Variants in MAPT observed in about 807,000 individuals in gnomAD.
MAPT encodes the protein microtubule associated protein tau.
Under a neutral mutation model 67.9 loss-of-function variants are expected in MAPT, and 34 were observed. The observed-to-expected ratio is 0.50, with a 90% CI of 0.38 to 0.67. The LOEUF (loss-of-function observed/expected upper bound fraction) is 0.67, where lower values mean the gene tolerates loss of function less well. Ranked by LOEUF, MAPT falls within the 30% of genes least tolerant of loss-of-function variation. The pLI, the probability that MAPT is intolerant of heterozygous loss-of-function variation, is 0.00. For missense variants in MAPT, 881 were observed against 1,115.2 expected, an observed-to-expected ratio of 0.79 and a Z score of 2.99; for synonymous variants, 456 against 464.5, an observed-to-expected ratio of 0.98 and a Z score of 0.23.
intron 1 of MAPT, among the ~76,000 whole-genome samples, chr17:45,948,871 G>A (rs534235868): frequency 1.3e-5 from 2 of 152,310 alleles, no homozygotes; most frequent in South Asian, 2.1e-4. Flanking sequence ...AGGAAAGACA[G>A]GGTGCAGAAG....
At chr17:45,918,946 C>T (rs2065435887) in intron 1 of MAPT, among the ~76,000 whole-genome samples, 1 of 151,812 alleles carries the variant, frequency 6.6e-6, no homozygotes, top group South Asian at 2.1e-4. Flanking sequence ...CCTGGAATCC[C>T]AGCTACTCAG....
At chr17:46,022,218 G>A (rs1294559139) in intron 12 of MAPT, among the ~76,000 whole-genome samples, 1 of 152,026 alleles carries the variant, frequency 6.6e-6, no homozygotes, top group Non-Finnish European at 1.5e-5. Flanking sequence ...AGCTGGGTGT[G>A]GTGGCACACA....
intron 10 of MAPT, among the ~76,000 whole-genome samples, chr17:46,013,789 A>T (rs1406589478): frequency 6.6e-6 from 1 of 152,296 alleles, no homozygotes; most frequent in Non-Finnish European, 1.5e-5. Flanking sequence ...CTGCCTTTCC[A>T]GCAAGATTTT....
chr17:45,905,781 A>G (rs1164151239), intron 1 of MAPT, among the ~76,000 whole-genome samples: 1 of 152,188 alleles, frequency 6.6e-6, no homozygotes, highest in Admixed American at 6.5e-5. Context: ...CTCAGAATGG[A>G]TGATAATGTG....
intron 1 of MAPT, among the ~76,000 whole-genome samples, chr17:45,937,616 G>T (rs62061724): frequency 0.14 from 21,238 of 148,408 alleles, 2,073 homozygotes; most frequent in Non-Finnish European, 0.22. Flanking sequence ...AAAAAGAAAG[G>T]AGAGAGAGAG....
intron 1 of MAPT, among the ~76,000 whole-genome samples, chr17:45,900,412 T>A (rs953058605): frequency 2.0e-5 from 3 of 152,122 alleles, no homozygotes; most frequent in Non-Finnish European, 4.4e-5. Flanking sequence ...GGTTCTCCAG[T>A]TAGGAAACTT....
At chr17:46,008,685 G>GA (rs1037769403) in intron 9 of MAPT, among the ~76,000 whole-genome samples, 6 of 151,748 alleles carry the variant, frequency 4.0e-5, no homozygotes, top group African/African-American at 7.2e-5. Flanking sequence ...AAATTAAGGG[G>GA]AAAAAAAACG....
chr17:46,008,183 A>G (rs1247322670), intron 9 of MAPT, among the ~76,000 whole-genome samples: 5 of 152,174 alleles, frequency 3.3e-5, no homozygotes, highest in African/African-American at 1.2e-4. Context: ...TGCAACCTCC[A>G]TCTCCCGGGT....
rs1451687051 is a variant in MAPT, at chr17:45,983,035, T to TCAGCACCGTCCCGTTTGCC, written c.461_479dup (p.Pro162SerfsTer47). On this transcript the variant is annotated frameshift_variant, in exon 5 of 13. Coordinates refer to ENST00000262410, the MANE Select transcript of MAPT (RefSeq NM_001377265.1). LOFTEE classifies it high-confidence loss of function. ...CCGTCCCGCTGACCGCGAGCCTTCCTCAGCACCGTCCCGTTTGCCCAGCGC... is the reference window on the plus strand; with the variant it reads ...CCGTCCCGCTGACCGCGAGCCTTCCTCAGCACCGTCCCGTTTGCCCAGCACCGTCCCGTTTGCCCAGCGC... The TCAGCACCGTCCCGTTTGCC allele has an allele frequency of 1.3e-5, 20 of 1,503,398 alleles. No homozygotes were observed. Among genetic ancestry groups the TCAGCACCGTCCCGTTTGCC allele is most frequent in the Non-Finnish European group, 1.8e-5 (20 of 1,122,954 alleles). 93.1% of individuals were successfully genotyped at this position (1,503,398 alleles called of 1,614,324 possible).
intron 8 of MAPT, chr17:45,993,798 CCCTCGA>C: frequency 1.1e-6 from 1 of 890,598 alleles, no homozygotes; most frequent in Non-Finnish European, 1.8e-6. Flanking sequence ...CCCCTTGGGC[CCCTCGA>C]CCTTGTTTCA....
At position 45,995,575 on chromosome 17, in the gene MAPT, G is replaced by A. The variant is rs2074404789; in HGVS notation, c.1733-824G>A. Among the ~76,000 whole-genome samples the A allele has an allele frequency of 6.6e-6, 1 of 152,184 alleles. No homozygotes were observed. Among genetic ancestry groups the A allele is most frequent in the South Asian group, 2.1e-4 (1 of 4,830 alleles). ...AACAGAAGCAAGTTTGAGGGTAAAG[G>A]ACACCCAGAGGAGGGAGGGACAGCA... On this transcript the variant is annotated intron_variant, in intron 8 of 12. Coordinates refer to ENST00000262410, the MANE Select transcript of MAPT (RefSeq NM_001377265.1). The surrounding 1 kb of genome is among the most constrained non-coding windows in gnomAD (Gnocchi z 4.3).
At chr17:45,979,944 T>C (rs930253673) in intron 4 of MAPT, 1 of 152,182 alleles carries the variant, frequency 6.6e-6, no homozygotes. Flanking sequence ...ATAAAGTACC[T>C]ATTAGTAAGA....
rs1262953560 is a variant in MAPT at position 45,995,205 on chromosome 17, G to A, written c.1733-1194G>A. On this transcript the variant is annotated intron_variant, in intron 8 of 12. Transcript: ENST00000262410. The surrounding 1 kb of genome is among the most constrained non-coding windows in gnomAD (Gnocchi z 4.3). ...TGTTACAGCAAATGCCTGGGGCAGC[G>A]GCAGGGGCATTGCTGCGGGAAGCTT... 4.6e-5 allele frequency among the ~76,000 whole-genome samples: 7 copies of A among 152,228 alleles called. No homozygotes were observed. Among genetic ancestry groups the A allele is most frequent in the South Asian group, 2.1e-4 (1 of 4,830 alleles).
At chr17:45,926,712 G>T (rs1219637086) in intron 1 of MAPT, among the ~76,000 whole-genome samples, 4 of 152,058 alleles carry the variant, frequency 2.6e-5, no homozygotes, top group African/African-American at 9.7e-5. Flanking sequence ...GATGGTTCTG[G>T]AGGGAATGGA....
intron 1 of MAPT, among the ~76,000 whole-genome samples, chr17:45,947,596 C>G (rs1598097199): frequency 6.6e-6 from 1 of 151,996 alleles, no homozygotes; most frequent in Non-Finnish European, 1.5e-5. Flanking sequence ...CCATGTTGGT[C>G]AGGCTGGTCT....
chr17:45,998,566 G>A (rs940212860), intron 9 of MAPT, among the ~76,000 whole-genome samples: 3 of 152,172 alleles, frequency 2.0e-5, no homozygotes, highest in Non-Finnish European at 2.9e-5. Context: ...GATGGCAAAC[G>A]ATCCGGGTTA....
At chr17:45,992,289 C>CCAGG (rs1568296757) in intron 8 of MAPT, among the ~76,000 whole-genome samples, 1 of 152,194 alleles carries the variant, frequency 6.6e-6, no homozygotes, top group Non-Finnish European at 1.5e-5. Flanking sequence ...GGCCCCAAGT[C>CCAGG]CAGGGTTCCA....
rs58711437 is a variant in MAPT at position 45,919,615 on chromosome 17, G to A, written c.-18+24929G>A. On this transcript the variant is annotated intron_variant, in intron 1 of 12. Transcript: ENST00000262410. Reference sequence around the variant, plus strand: ...GCAGATGAGGTTTAAAGCTCAGAAGGGCTTAAACGGGTTGGGGCGCAGTGG... The same window carrying A: ...GCAGATGAGGTTTAAAGCTCAGAAGAGCTTAAACGGGTTGGGGCGCAGTGG... 8.8e-3 allele frequency among the ~76,000 whole-genome samples: 1,345 copies of A among 152,328 alleles called. 29 individuals carry two copies. The highest frequency in any genetic ancestry group is 0.031 in the African/African-American group (1,276 of 41,570).
At chr17:45,900,031 G>A (rs1204788103) in intron 1 of MAPT, among the ~76,000 whole-genome samples, 1 of 152,160 alleles carries the variant, frequency 6.6e-6, no homozygotes, top group Non-Finnish European at 1.5e-5. Context: ...CTTAGGTTCT[G>A]TACCTCGGCA....
Sources: gnomAD v4.1 joint callset for allele counts (sites outside exome capture counted in the v4.1 genomes callset) on GRCh38, gnomAD v4.1.1 for gene constraint, Gnocchi (gnomAD v3.1) non-coding constraint, MANE v1.5 for transcripts, NCBI Gene and HGNC (gene_info 2026-07-23, HGNC 2026-07-21) for gene names.